ADAMTS19: variants seen among roughly 807,000 people sequenced by gnomAD.
The protein encoded by ADAMTS19 is ADAM metallopeptidase with thrombospondin type 1 motif 19.
A neutral mutation model predicts 153.3 loss-of-function variants in ADAMTS19; 93 were observed. The ratio of observed to expected loss-of-function variants is 0.61; its 90% CI spans 0.51 to 0.72. The LOEUF (loss-of-function observed/expected upper bound fraction) is 0.72, where lower values mean the gene tolerates loss of function less well. ADAMTS19 is among the 30% of genes least tolerant of loss of function. The pLI, the probability that ADAMTS19 is intolerant of heterozygous loss-of-function variation, is 0.00. For synonymous variants in ADAMTS19, 600 were observed against 556.6 expected (o/e 1.08, Z -1.10); for missense variants, 1,482 against 1,552.1 (o/e 0.95, Z 0.76).
At chr5:129,541,745 T>C (rs1359269154) in intron 6 of ADAMTS19, among the ~76,000 whole-genome samples, 1 of 152,034 alleles carries the variant, frequency 6.6e-6, no homozygotes, top group Non-Finnish European at 1.5e-5. Context: ...CATGGCATAT[T>C]AGAGACGCTT....
In ADAMTS19 at chr5:129,665,535, G is replaced by A. The variant is rs1214200746; in HGVS notation, c.2462G>A (p.Arg821Lys). 6.2e-7 allele frequency: 1 copy of A among 1,610,824 alleles called. No homozygotes were observed. The highest frequency in any genetic ancestry group is 1.7e-5 in the Admixed American group (1 of 59,792). Residue 821 changes from arginine to lysine, a missense_variant, in exon 16 of 23, where the codon AGA becomes AAA. By Grantham distance (26) the Arg-to-Lys change is conservative. Coordinates refer to ENST00000274487, the MANE Select transcript of ADAMTS19 (RefSeq NM_133638.6). ...GTGCTGGTGATACCTGCTGGAGCAAGAAGAATCAAAGTTGTGGAGGAAAAG... is the reference window on the plus strand; with the variant it reads ...GTGCTGGTGATACCTGCTGGAGCAAAAAGAATCAAAGTTGTGGAGGAAAAG... ...VEVLVIPAGA[R>K]RIKVVEEKPA...
intron 8 of ADAMTS19, among the ~76,000 whole-genome samples, chr5:129,604,281 T>G (rs912256831): frequency 1.3e-5 from 2 of 152,182 alleles, no homozygotes; most frequent in Non-Finnish European, 2.9e-5. Flanking sequence ...CTGCAGGACC[T>G]AAGTACATGT....
intron 8 of ADAMTS19, among the ~76,000 whole-genome samples, chr5:129,611,910 CAAGCCAG>C (rs1471714570): frequency 6.6e-6 from 1 of 152,106 alleles, no homozygotes; most frequent in Non-Finnish European, 1.5e-5. Context: ...AGAAAGTCTA[CAAGCCAG>C]AAGAGAGTGG....
At chr5:129,562,230 G>T (rs1753550160) in intron 7 of ADAMTS19, among the ~76,000 whole-genome samples, 1 of 152,128 alleles carries the variant, frequency 6.6e-6, no homozygotes, top group Admixed American at 6.5e-5. Context: ...CAACAGAAAT[G>T]CTTTATCCAT....
chr5:129,472,507 A>G (rs1440213965), intron 2 of ADAMTS19, among the ~76,000 whole-genome samples: 1 of 152,202 alleles, frequency 6.6e-6, no homozygotes, highest in African/African-American at 2.4e-5. Context: ...GCTAGAAAGG[A>G]TTCTATGGAT....
chr5:129,615,642 A>G (rs1298608425), intron 8 of ADAMTS19, among the ~76,000 whole-genome samples: 3 of 152,018 alleles, frequency 2.0e-5, no homozygotes, highest in Non-Finnish European at 4.4e-5. Context: ...ACTCATAAGA[A>G]CTAGCACCAT....
rs1035489453 is a variant in ADAMTS19, at chr5:129,485,993, G to A, written c.748-23084G>A. ...TTTAGTAGGGACAGGGTTTCGCTAC[G>A]TTGGCCAGGCTGGTGTCAAACTCCT... On this transcript the variant is annotated intron_variant, in intron 2 of 22. Coordinates refer to ENST00000274487, the MANE Select transcript of ADAMTS19 (RefSeq NM_133638.6). Among the ~76,000 whole-genome samples, 5 of 152,120 alleles carry A rather than the reference G, an allele frequency of 3.3e-5. No homozygotes were observed. The South Asian group carries it at 6.2e-4, about 19-fold the overall frequency.
At chr5:129,492,506 A>AGTGTGTGTGTGTGTGTGT (rs148015134) in intron 2 of ADAMTS19, among the ~76,000 whole-genome samples, 117 of 146,452 alleles carry the variant, frequency 8.0e-4, no homozygotes, top group African/African-American at 2.6e-3. Flanking sequence ...ATTAAAGGTC[A>AGTGTGTGTGTGTGTGTGT]GTGTGTGTGT....
intron 3 of ADAMTS19, among the ~76,000 whole-genome samples, chr5:129,523,313 A>G (rs1460810264): frequency 2.0e-5 from 3 of 152,206 alleles, no homozygotes; most frequent in African/African-American, 7.2e-5. Flanking sequence ...ACAGGGAATC[A>G]TGACTAATTG....
At chr5:129,541,438 T>G (rs112232730) in intron 6 of ADAMTS19, among the ~76,000 whole-genome samples, 34 of 152,160 alleles carry the variant, frequency 2.2e-4, no homozygotes, top group Non-Finnish European at 4.7e-4. Flanking sequence ...ATATACTTTA[T>G]ACTTAGTGAT....
At chr5:129,536,304 T>A (rs1581053862) in intron 6 of ADAMTS19, among the ~76,000 whole-genome samples, 2 of 152,016 alleles carry the variant, frequency 1.3e-5, no homozygotes, top group Non-Finnish European at 2.9e-5. Context: ...AAAAGACACA[T>A]GAAAAAATGC....
chr5:129,676,329 C>A (rs1209329967), intron 16 of ADAMTS19, among the ~76,000 whole-genome samples: 2 of 152,156 alleles, frequency 1.3e-5, no homozygotes, highest in Admixed American at 6.5e-5. Context: ...TGTCAGTATG[C>A]AACTAAAGTA....
Position 129,541,120 on chromosome 5 carries a change from T to C in ADAMTS19, c.1329-10744T>C, listed in dbSNP as rs180992296. 1.4e-3 allele frequency among the ~76,000 whole-genome samples: 215 copies of C among 152,194 alleles called. 1 individual carries two copies. Among genetic ancestry groups the C allele is most frequent in the African/African-American group, 4.9e-3 (205 of 41,568 alleles). The stretch of plus-strand genomic sequence containing the variant: ...GGTTTATAATGCTGCTGACAATTTA[T>C]TTTTCAATTTTAGTGAGAGGTACTT... On this transcript the variant is annotated intron_variant, in intron 6 of 22. Coordinates refer to ENST00000274487, the MANE Select transcript of ADAMTS19 (RefSeq NM_133638.6).
intron 10 of ADAMTS19, among the ~76,000 whole-genome samples, chr5:129,631,782 T>C (rs1752309660): frequency 6.6e-6 from 1 of 152,076 alleles, no homozygotes; most frequent in African/African-American, 2.4e-5. Flanking sequence ...GTTGTCTTGA[T>C]ATTCATCTGT....
At chr5:129,546,447 C>T (rs540440834) in intron 6 of ADAMTS19, among the ~76,000 whole-genome samples, 1 of 150,340 alleles carries the variant, frequency 6.7e-6, no homozygotes, top group East Asian at 1.9e-4. Flanking sequence ...GACCCATCTT[C>T]GTGGGACTGT....
chr5:129,691,912 A>C (rs921675150), intron 18 of ADAMTS19, among the ~76,000 whole-genome samples: 20 of 152,154 alleles, frequency 1.3e-4, no homozygotes, highest in Admixed American at 7.2e-4. Context: ...GGATGGGGAA[A>C]AAAGCATTAT....
chr5:129,472,017 C>T (rs542008001), intron 2 of ADAMTS19, among the ~76,000 whole-genome samples: 5 of 152,294 alleles, frequency 3.3e-5, no homozygotes, highest in Admixed American at 6.5e-5. Context: ...TGAACTCACA[C>T]ACGTGTGTGT....
intron 7 of ADAMTS19, among the ~76,000 whole-genome samples, chr5:129,567,050 A>C (rs2126855436): frequency 6.6e-6 from 1 of 152,192 alleles, no homozygotes; most frequent in Admixed American, 6.5e-5. Context: ...GTGACCTCAA[A>C]GCTGTTTACC....
chr5:129,674,685 T>C (rs891004390), intron 16 of ADAMTS19, among the ~76,000 whole-genome samples: 1 of 152,180 alleles, frequency 6.6e-6, no homozygotes, highest in African/African-American at 2.4e-5. Flanking sequence ...ACTCCTCTTT[T>C]TCCTTCCTTT....
Sources: gnomAD v4.1 joint callset for allele counts (sites outside exome capture counted in the v4.1 genomes callset) on GRCh38, gnomAD v4.1.1 for gene constraint, MANE v1.5 for transcripts, NCBI Gene and HGNC (gene_info 2026-07-23, HGNC 2026-07-21) for gene names.